TLL1: variants seen among roughly 807,000 people sequenced by gnomAD.
TLL1 encodes the protein tolloid like 1, also known as tolloid-like protein 1.
In TLL1, 49 loss-of-function variants were observed where a neutral mutation model predicts 128.2. That is an observed-to-expected ratio of 0.38 (90% CI 0.30 to 0.48). TLL1 has a LOEUF of 0.48. TLL1 is among the 20% of genes least tolerant of loss of function. The pLI is 0.96. For missense variants in TLL1, 1,123 were observed against 1,242.0 expected, an observed-to-expected ratio of 0.90 and a Z score of 1.44; for synonymous variants, 454 against 418.8, an observed-to-expected ratio of 1.08 and a Z score of -1.03.
intron 9 of TLL1, among the ~76,000 whole-genome samples, chr4:166,039,109 C>T (rs570806285): frequency 2.0e-5 from 3 of 152,210 alleles, no homozygotes; most frequent in South Asian, 2.1e-4. Flanking sequence ...GTTTGTTCAA[C>T]TACTCATATT....
chr4:166,025,467 A>G (rs771373619), intron 9 of TLL1, 36 bp downstream of exon 9: 2 of 1,455,670 alleles, frequency 1.4e-6, no homozygotes, highest in South Asian at 2.3e-5. Flanking sequence ...TTTTATTCTT[A>G]TATAAGTACA....
chr4:165,995,183 G>C lies in TLL1; in HGVS notation c.632+5G>C. 1 of 1,578,902 alleles carries C rather than the reference G, an allele frequency of 6.3e-7. No individual in the cohort carries two copies. Among genetic ancestry groups the C allele is most frequent in the Non-Finnish European group, 8.7e-7 (1 of 1,148,030 alleles). The stretch of plus-strand genomic sequence containing the variant: ...ATTCACCTATAGGCCTTGTGGGTAA[G>C]TAGAACTAGGTAGGGACTGACTTAA... On this transcript the variant is annotated splice_donor_5th_base_variant and intron_variant, in intron 5 of 20. Coordinates refer to ENST00000061240, the MANE Select transcript of TLL1 (RefSeq NM_012464.5).
chr4:165,967,130 C>T (rs373975879), intron 1 of TLL1, among the ~76,000 whole-genome samples: 55 of 152,284 alleles, frequency 3.6e-4, no homozygotes, highest in Admixed American at 6.5e-4. Context: ...TTCTCCTATT[C>T]GCTTTTGTAA....
intron 10 of TLL1, 51 bp downstream of exon 10, chr4:166,039,492 C>CA (rs942425733): frequency 1.9e-5 from 25 of 1,330,898 alleles, no homozygotes; most frequent in Non-Finnish European, 2.5e-5. Context: ...CTGTCCCGTC[C>CA]AAAAAAACCA....
At chr4:166,003,713 C>T (rs1297811541) in intron 6 of TLL1, 144 bp downstream of exon 6, 6 of 838,348 alleles carry the variant, frequency 7.2e-6, no homozygotes, top group Non-Finnish European at 5.8e-6. Context: ...TAAAAATCAC[C>T]CATGATGATT....
Position 165,936,206 on chromosome 4 carries a change from A to AT in TLL1, c.170-53166dup, listed in dbSNP as rs199985086. 3.2e-3 allele frequency among the ~76,000 whole-genome samples: 446 copies of AT among 139,600 alleles called. 6 individuals carry two copies. Among genetic ancestry groups the AT allele is most frequent in the Middle Eastern group, 0.012 (3 of 260 alleles). The allele number at this position is 139,600 out of a possible 152,430, so 91.6% of individuals were successfully genotyped here. A position where few individuals can be genotyped will look rare whatever the true frequency, so the allele number is the denominator to read the frequency against. The stretch of plus-strand genomic sequence containing the variant: ...CATTTTGCTTCATATATATATATAT[A>AT]TTTTTTTTTCTTTTTTCTTTTTTTT... On this transcript the variant is annotated intron_variant, in intron 1 of 20. Coordinates refer to ENST00000061240, the MANE Select transcript of TLL1 (RefSeq NM_012464.5).
chr4:166,077,833 G>A, intron 17 of TLL1, 70 bp from the exon 18 acceptor site: 1 of 1,606,558 alleles, frequency 6.2e-7, no homozygotes, highest in Admixed American at 1.7e-5. Context: ...TGGGTAAATA[G>A]GCTGCTTGCT....
At chr4:165,886,302 A>C (rs1731161295) in intron 1 of TLL1, among the ~76,000 whole-genome samples, 1 of 152,124 alleles carries the variant, frequency 6.6e-6, no homozygotes, top group Admixed American at 6.6e-5. Flanking sequence ...GGGGATAGTG[A>C]TCCCTAGTCT....
Position 166,057,156 on chromosome 4 carries a change from T to G in TLL1, c.1721-28T>G, listed in dbSNP as rs758708528. On this transcript the variant is annotated intron_variant, in intron 13 of 20. Coordinates refer to ENST00000061240, the MANE Select transcript of TLL1 (RefSeq NM_012464.5). Reference sequence around the variant, plus strand: ...ACATACACACATATATATGTATAGTTGTTCTATAACTATGACCATTTTCAT... The same window carrying G: ...ACATACACACATATATATGTATAGTGGTTCTATAACTATGACCATTTTCAT... 13 of 1,613,168 alleles carry G rather than the reference T, an allele frequency of 8.1e-6. No individual in the cohort carries two copies. In the Admixed American group the frequency reaches 2.2e-4, roughly 27 times the overall value.
chr4:166,052,429 G>A (rs762602759), intron 12 of TLL1, among the ~76,000 whole-genome samples: 5 of 151,978 alleles, frequency 3.3e-5, no homozygotes, highest in South Asian at 2.1e-4. Context: ...CAAGTAGCTG[G>A]GATTACAGGT....
chr4:166,049,175 A>G (rs1049050426), intron 12 of TLL1, among the ~76,000 whole-genome samples: 3 of 152,176 alleles, frequency 2.0e-5, no homozygotes, highest in Non-Finnish European at 4.4e-5. Context: ...GGTCTAGGCT[A>G]TCCTTGTGTC....
chr4:166,029,563 A>G (rs987484190), intron 9 of TLL1, among the ~76,000 whole-genome samples: 8 of 152,078 alleles, frequency 5.3e-5, no homozygotes, highest in African/African-American at 1.9e-4. Context: ...TTAGGTGTAC[A>G]GTTCAGTATG....
At chr4:165,997,936 T>A (rs1736957504) in intron 5 of TLL1, among the ~76,000 whole-genome samples, 1 of 152,202 alleles carries the variant, frequency 6.6e-6, no homozygotes, top group Admixed American at 6.5e-5. Context: ...AGGTTTGAAC[T>A]GAGCTATAAG....
At chr4:165,919,638 G>A (rs1732947750) in intron 1 of TLL1, among the ~76,000 whole-genome samples, 1 of 152,100 alleles carries the variant, frequency 6.6e-6, no homozygotes, top group South Asian at 2.1e-4. Flanking sequence ...GGAGAAATGT[G>A]TTTGTAACTC....
In TLL1 at chr4:166,014,420, T is replaced by A. The variant is rs780012163; in HGVS notation, c.918-16T>A. On this transcript the variant is annotated splice_polypyrimidine_tract_variant and intron_variant, in intron 7 of 20. Transcript: ENST00000061240. ...ATTTGGTGACTTAGGTGTGGTTTGC[T>A]TCTGCTTTTTTTCAGGGGGATGTTT... 1 of 1,611,792 alleles carries A rather than the reference T, an allele frequency of 6.2e-7. No individual in the cohort carries two copies. Among genetic ancestry groups the A allele is most frequent in the Non-Finnish European group, 8.5e-7 (1 of 1,178,274 alleles).
intron 9 of TLL1, 81 bp from the exon 10 acceptor site, chr4:166,039,258 G>A (rs1739135277): frequency 2.2e-6 from 2 of 928,796 alleles, no homozygotes; most frequent in Non-Finnish European, 3.5e-6. Context: ...GTAGACCAGG[G>A]TTCCTTACCT....
At chr4:166,097,010 T>G (rs1742055315) in intron 19 of TLL1, among the ~76,000 whole-genome samples, 1 of 152,106 alleles carries the variant, frequency 6.6e-6, no homozygotes, top group Non-Finnish European at 1.5e-5. Context: ...AATGGTAGCT[T>G]AAATTTATAT....
chr4:165,943,300 C>T (rs908879366), intron 1 of TLL1, among the ~76,000 whole-genome samples: 6 of 151,902 alleles, frequency 3.9e-5, no homozygotes, highest in South Asian at 2.1e-4. Flanking sequence ...GTCATCTCCA[C>T]GATAAGATAG....
chr4:166,027,863 G>A (rs1177794385), intron 9 of TLL1, among the ~76,000 whole-genome samples: 1 of 152,022 alleles, frequency 6.6e-6, no homozygotes, highest in Non-Finnish European at 1.5e-5. Context: ...CTCGCCATTA[G>A]CATTGAGCTA....
Sources: allele counts gnomAD v4.1 joint callset (sites outside exome capture counted in the v4.1 genomes callset), GRCh38; gene constraint gnomAD v4.1.1; transcripts MANE v1.5; gene names NCBI Gene and HGNC (gene_info 2026-07-23, HGNC 2026-07-21).